VWC2L: variants seen among roughly 807,000 people sequenced by gnomAD.
The protein encoded by VWC2L is von Willebrand factor C domain containing 2 like.
A neutral mutation model predicts 21.6 loss-of-function variants in VWC2L; 10 were observed. The ratio of observed to expected loss-of-function variants is 0.46; its 90% CI spans 0.29 to 0.78. VWC2L has a LOEUF of 0.78. Among genes scored for constraint, VWC2L ranks in the 30% least tolerant of loss-of-function variants. The pLI, the probability that VWC2L is intolerant of heterozygous loss-of-function variation, is 0.10. For synonymous variants in VWC2L, 96 were observed against 94.3 expected (o/e 1.02, Z -0.10); for missense variants, 209 against 277.1 (o/e 0.75, Z 1.74).
At chr2:214,417,868 A>G (rs1261991901) in intron 2 of VWC2L, among the ~76,000 whole-genome samples, 1 of 152,190 alleles carries the variant, frequency 6.6e-6, no homozygotes, top group Non-Finnish European at 1.5e-5. Context: ...ATAGTGGAGG[A>G]AGGAAGTCTG....
intron 3 of VWC2L, among the ~76,000 whole-genome samples, chr2:214,521,873 G>T (rs1689246413): frequency 6.6e-6 from 1 of 152,222 alleles, no homozygotes; most frequent in Admixed American, 6.5e-5. Context: ...GAGATAGGTA[G>T]GCAAAGTCAG....
chr2:214,416,637 A>G (rs950127781), intron 2 of VWC2L, among the ~76,000 whole-genome samples: 2 of 152,058 alleles, frequency 1.3e-5, no homozygotes, highest in East Asian at 1.9e-4. Context: ...CTAACATACT[A>G]TATGATCTCT....
At chr2:214,480,273 G>A (rs1167383975) in intron 3 of VWC2L, among the ~76,000 whole-genome samples, 1 of 152,098 alleles carries the variant, frequency 6.6e-6, no homozygotes, top group Non-Finnish European at 1.5e-5. Flanking sequence ...GAGATAATGT[G>A]AATTAACAAA....
chr2:214,490,358 A>G (rs1186351381), intron 3 of VWC2L, among the ~76,000 whole-genome samples: 5 of 151,662 alleles, frequency 3.3e-5, no homozygotes, highest in Non-Finnish European at 7.4e-5. Context: ...ACAAATTTCT[A>G]GGAAAGGTTT....
At chr2:214,477,773 ATCTT>A (rs1191185403) in intron 3 of VWC2L, among the ~76,000 whole-genome samples, 1 of 152,266 alleles carries the variant, frequency 6.6e-6, no homozygotes, top group African/African-American at 2.4e-5. Flanking sequence ...TGAAGTCTTC[ATCTT>A]TCTTTGAGTT....
In VWC2L at chr2:214,575,864, T is replaced by G; in HGVS notation, c.*44T>G. On this transcript the variant is annotated 3_prime_UTR_variant, in exon 4 of 4. Coordinates refer to ENST00000312504, the MANE Select transcript of VWC2L (RefSeq NM_001080500.4). ...GATGAGTTCTTAGGAAAGGATGCTA[T>G]GGCTTCAACACTGCACATGTTTAAC... is the stretch of plus-strand genomic sequence containing the variant. 1 of 1,586,136 alleles carries G rather than the reference T, an allele frequency of 6.3e-7. No homozygotes were observed. The highest frequency in any genetic ancestry group is 8.6e-7 in the Non-Finnish European group (1 of 1,160,030).
rs184590600 is a variant in VWC2L at position 214,573,544 on chromosome 2, C to G, written c.521-2128C>G. Among the ~76,000 whole-genome samples, 57 of 152,264 alleles carry G rather than the reference C, an allele frequency of 3.7e-4. 1 individual carries two copies. In the East Asian group the frequency reaches 4.8e-3, roughly 13 times the overall value. On this transcript the variant is annotated intron_variant, in intron 3 of 3. Coordinates refer to ENST00000312504, the MANE Select transcript of VWC2L (RefSeq NM_001080500.4). ...GTTCACTCTAGTATGATTATTAAAG[C>G]TAGGTTGGCCCTGGCAAGACCCTGT...
chr2:214,432,226 G>A (rs1364631017), intron 2 of VWC2L, among the ~76,000 whole-genome samples: 1 of 152,200 alleles, frequency 6.6e-6, no homozygotes, highest in Admixed American at 6.5e-5. Flanking sequence ...TTGAGTATCT[G>A]TCATGTGCTA....
intron 3 of VWC2L, among the ~76,000 whole-genome samples, chr2:214,558,650 T>G (rs1689913198): frequency 6.6e-6 from 1 of 152,160 alleles, no homozygotes; most frequent in African/African-American, 2.4e-5. Flanking sequence ...CCTGGACTAG[T>G]GTAAAAATTG....
intron 3 of VWC2L, among the ~76,000 whole-genome samples, chr2:214,541,179 T>A (rs1393465377): frequency 6.6e-6 from 1 of 152,204 alleles, no homozygotes; most frequent in Non-Finnish European, 1.5e-5. Flanking sequence ...CATTATGTCC[T>A]CTATTCAGCT....
intron 3 of VWC2L, among the ~76,000 whole-genome samples, chr2:214,455,107 T>C (rs536951904): frequency 6.6e-6 from 1 of 152,294 alleles, no homozygotes; most frequent in South Asian, 2.1e-4. Context: ...ATTAGGAACA[T>C]AGTCTCTCTT....
At chr2:214,552,697 C>T (rs1427875919) in intron 3 of VWC2L, among the ~76,000 whole-genome samples, 2 of 152,122 alleles carry the variant, frequency 1.3e-5, no homozygotes, top group South Asian at 2.1e-4. Context: ...CTTCCTTAGT[C>T]ATCTTCCTAT....
At chr2:214,563,896 A>G (rs1690020243) in intron 3 of VWC2L, among the ~76,000 whole-genome samples, 2 of 152,178 alleles carry the variant, frequency 1.3e-5, no homozygotes, top group African/African-American at 4.8e-5. Context: ...GAGGAAGTCA[A>G]ATTGTCTTTG....
chr2:214,421,885 CTTTTTTTTTTTTTTT>C (rs761759449), intron 2 of VWC2L, among the ~76,000 whole-genome samples: 1 of 76,144 alleles, frequency 1.3e-5, no homozygotes, highest in Non-Finnish European at 2.2e-5. Context: ...TTTCCTACAT[CTTTTTTTTTTTTTTT>C]TTTTTTTTTG....
intron 2 of VWC2L, among the ~76,000 whole-genome samples, chr2:214,421,885 CTTTTT>C (rs761759449): frequency 6.6e-5 from 5 of 76,142 alleles, no homozygotes; most frequent in Admixed American, 1.8e-4. Context: ...TTTCCTACAT[CTTTTT>C]TTTTTTTTTT....
At chr2:214,441,963 G>A (rs1702768266) in intron 3 of VWC2L, among the ~76,000 whole-genome samples, 1 of 150,156 alleles carries the variant, frequency 6.7e-6, no homozygotes, top group Non-Finnish European at 1.5e-5. Flanking sequence ...TCAGGCTGGA[G>A]TGCAGTGGCA....
chr2:214,424,451 G>A (rs1448704112), intron 2 of VWC2L, among the ~76,000 whole-genome samples: 1 of 152,082 alleles, frequency 6.6e-6, no homozygotes, highest in African/African-American at 2.4e-5. Context: ...TTTTAAAGCC[G>A]GCCCTACCAC....
chr2:214,540,835 G>A (rs145335346), intron 3 of VWC2L, among the ~76,000 whole-genome samples: 20 of 152,280 alleles, frequency 1.3e-4, no homozygotes, highest in African/African-American at 4.6e-4. Context: ...GCCCTTAAGA[G>A]TGTCAAAATG....
At chr2:214,504,831 G>A (rs535518920) in intron 3 of VWC2L, among the ~76,000 whole-genome samples, 13 of 152,274 alleles carry the variant, frequency 8.5e-5, no homozygotes, top group Non-Finnish European at 1.3e-4. Context: ...GAAACAATCA[G>A]AGAGAGATTA....
Sources: allele counts gnomAD v4.1 joint callset (sites outside exome capture counted in the v4.1 genomes callset), GRCh38; gene constraint gnomAD v4.1.1; transcripts MANE v1.5; gene names NCBI Gene and HGNC (gene_info 2026-07-23, HGNC 2026-07-21).